CUX1: variants seen among roughly 807,000 people sequenced by gnomAD.
The protein encoded by CUX1 is protein CASP.
CUX1 carries 31 observed loss-of-function variants against 158.8 expected under a neutral mutation model. That is an observed-to-expected ratio of 0.20 (90% CI 0.15 to 0.26). The LOEUF (loss-of-function observed/expected upper bound fraction) is 0.26, where lower values mean the gene tolerates loss of function less well. Among genes scored for constraint, CUX1 ranks in the 10% least tolerant of loss-of-function variants. The pLI is 1.00. For synonymous variants in CUX1, 879 were observed against 862.1 expected (o/e 1.02, Z -0.34); for missense variants, 1,589 against 2,014.6 (o/e 0.79, Z 4.04).
chr7:101,986,018 C>T (rs1225849947), intron 2 of CUX1, among the ~76,000 whole-genome samples: 2 of 152,192 alleles, frequency 1.3e-5, no homozygotes, highest in Non-Finnish European at 2.9e-5. Flanking sequence ...TGAGACCTGC[C>T]GCTTCTGACT....
At chr7:101,834,622 CCCT>C (rs749116107) in intron 1 of CUX1, among the ~76,000 whole-genome samples, 92 of 152,256 alleles carry the variant, frequency 6.0e-4, no homozygotes, top group Non-Finnish European at 1.0e-3. Flanking sequence ...CCGCTTGTTG[CCCT>C]GGTGCAGAGA....
exon 17 of CUX1, chr7:102,275,267 G>T (rs150976222): frequency 6.8e-6 from 11 of 1,609,936 alleles, no homozygotes; most frequent in Non-Finnish European, 9.3e-6. Flanking sequence ...ACCAGCCAGC[G>T]GTGCCCTCCC....
chr7:101,927,411 C>A (rs1361205003), intron 2 of CUX1, among the ~76,000 whole-genome samples: 1 of 152,122 alleles, frequency 6.6e-6, no homozygotes, highest in Non-Finnish European at 1.5e-5. Context: ...GTAATCCCAG[C>A]ACTTTGGAGG....
At chr7:102,267,083 G>T (rs377250302) in intron 14 of CUX1, among the ~76,000 whole-genome samples, 6 of 152,038 alleles carry the variant, frequency 3.9e-5, no homozygotes, top group Non-Finnish European at 8.8e-5. Flanking sequence ...CGGCTGGGGG[G>T]GCTCAGTGGT....
intron 3 of CUX1, among the ~76,000 whole-genome samples, chr7:102,036,467 C>T (rs1352962603): frequency 1.3e-5 from 2 of 151,986 alleles, no homozygotes; most frequent in East Asian, 1.9e-4. Context: ...TGGCCGAGCG[C>T]GTTGGCTCTT....
At chr7:102,122,720 T>C (rs1208602220) in intron 8 of CUX1, among the ~76,000 whole-genome samples, 2 of 152,196 alleles carry the variant, frequency 1.3e-5, no homozygotes, top group Admixed American at 6.5e-5. Context: ...GGAAATGTAA[T>C]TGACATGTAA....
At chr7:102,124,263 A>C (rs1224811171) in intron 8 of CUX1, among the ~76,000 whole-genome samples, 1 of 152,184 alleles carries the variant, frequency 6.6e-6, no homozygotes, top group Non-Finnish European at 1.5e-5. Flanking sequence ...GTCAGGGTGG[A>C]TAACGGGCAT....
At chr7:101,841,466 G>T in intron 1 of CUX1, among the ~76,000 whole-genome samples, 1 of 148,934 alleles carries the variant, frequency 6.7e-6, no homozygotes, top group Non-Finnish European at 1.5e-5. Context: ...TTTTTTATGT[G>T]GCTTATTTCT....
chr7:102,249,194 C>T lies in CUX1; in HGVS notation c.*152C>T. The T allele has an allele frequency of 1.8e-6, 2 of 1,122,006 alleles. No individual in the cohort carries two copies. The highest frequency in any genetic ancestry group is 2.2e-6 in the Non-Finnish European group (2 of 915,500). 69.5% of individuals were successfully genotyped at this position (1,122,006 alleles called of 1,614,324 possible). On this transcript the variant is annotated 3_prime_UTR_variant, in exon 24 of 24. Transcript: ENST00000292535. ...CCTGAGCCCGCAGCCCAGACCCCCT[C>T]CACGGTCCGCGGCCTGCACCGACCC...
intron 8 of CUX1, among the ~76,000 whole-genome samples, chr7:102,146,198 G>A (rs1483941794): frequency 6.6e-6 from 1 of 152,180 alleles, no homozygotes; most frequent in Non-Finnish European, 1.5e-5. Context: ...GGCACTGTGC[G>A]GTCTCAGGAG....
chr7:102,019,672 C>G (rs1441543414), intron 2 of CUX1, among the ~76,000 whole-genome samples: 1 of 152,156 alleles, frequency 6.6e-6, no homozygotes. Flanking sequence ...CCCACCAGTC[C>G]CCCAAAGCCA....
At chr7:102,229,567 C>G (rs1279040593) in intron 21 of CUX1, among the ~76,000 whole-genome samples, 1 of 150,788 alleles carries the variant, frequency 6.6e-6, no homozygotes. Flanking sequence ...CCACCTCGGC[C>G]TCCCAAAACA....
chr7:102,176,323 G>A (rs575696564), intron 10 of CUX1, among the ~76,000 whole-genome samples: 8 of 152,220 alleles, frequency 5.3e-5, no homozygotes, highest in Admixed American at 1.3e-4. Context: ...CTGGGGCCAC[G>A]GTGCCACCCT....
At chr7:101,859,029 G>A (rs1223514044) in intron 1 of CUX1, among the ~76,000 whole-genome samples, 1 of 152,178 alleles carries the variant, frequency 6.6e-6, no homozygotes, top group Non-Finnish European at 1.5e-5. Context: ...TTCTAGATTT[G>A]GAAGTAGGTC....
intron 23 of CUX1, among the ~76,000 whole-genome samples, chr7:102,245,769 C>T (rs1554536650): frequency 6.6e-6 from 1 of 151,996 alleles, no homozygotes; most frequent in African/African-American, 2.4e-5. Context: ...GTCAGGAGTT[C>T]AAGACCAGCC....
Position 102,250,019 on chromosome 7 carries a change from A to G in CUX1, c.*977A>G. On this transcript the variant is annotated 3_prime_UTR_variant, in exon 24 of 24. Transcript: ENST00000292535. ...TTGCAGACCAGGGTTTGTTTAATAC[A>G]CTCCATTCTAGGCCAAATCAGGACA... 1.0e-6 allele frequency: 1 copy of G among 984,520 alleles called. No homozygotes were observed. The highest frequency in any genetic ancestry group is 4.7e-5 in the South Asian group (1 of 21,214). 61.0% of individuals were successfully genotyped at this position (984,520 alleles called of 1,614,324 possible). A position where few individuals can be genotyped will look rare whatever the true frequency, so the allele number is the denominator to read the frequency against.
At chr7:102,104,936 G>T (rs1210704587) in intron 6 of CUX1, among the ~76,000 whole-genome samples, 1 of 152,142 alleles carries the variant, frequency 6.6e-6, no homozygotes. Flanking sequence ...TGAGCGAAAT[G>T]CATCTGTCTT....
chr7:101,847,932 C>T (rs542520915), intron 1 of CUX1, among the ~76,000 whole-genome samples: 208 of 151,566 alleles, frequency 1.4e-3, no homozygotes, highest in Non-Finnish European at 2.2e-3. Flanking sequence ...ATGGCGGGTG[C>T]CTGTAATCCC....
At chr7:101,892,531 C>T (rs1183472358) in intron 1 of CUX1, among the ~76,000 whole-genome samples, 2 of 152,156 alleles carry the variant, frequency 1.3e-5, no homozygotes, top group Non-Finnish European at 2.9e-5. Context: ...CTCATCATTA[C>T]TACGTTATAC....
Sources: allele counts gnomAD v4.1 joint callset (sites outside exome capture counted in the v4.1 genomes callset), GRCh38; gene constraint gnomAD v4.1.1; transcripts MANE v1.5; gene names NCBI Gene and HGNC (gene_info 2026-07-23, HGNC 2026-07-21).